FAT3: variants seen among roughly 807,000 people sequenced by gnomAD.
FAT3 encodes the protein protocadherin Fat 3.
FAT3 carries 95 observed loss-of-function variants against 310.2 expected under a neutral mutation model. That is an observed-to-expected ratio of 0.31 (90% CI 0.26 to 0.36). The LOEUF is 0.36. Ranked by LOEUF, FAT3 falls within the 10% of genes least tolerant of loss-of-function variation. The probability of loss-of-function intolerance (pLI) is 1.00; values close to 1 mark genes in which losing one functional copy is unlikely to be tolerated. For missense variants in FAT3, 5,408 were observed against 5,715.6 expected (o/e 0.95, Z 1.74); for synonymous variants, 2,314 against 2,192.9 (o/e 1.06, Z -1.54).
chr11:92,263,618 AGT>A lies in FAT3; in HGVS notation c.-18+38463_-18+38464del, dbSNP rs555917659. Reference sequence around the variant, plus strand: ...GTGATAAATGTGGTATTTGAATATAAGTGTGTGTGTGTGTGTGTGTATATATA... The same window carrying A: ...GTGATAAATGTGGTATTTGAATATAAGTGTGTGTGTGTGTGTGTATATATA... On this transcript the variant is annotated intron_variant, in intron 1 of 27. Coordinates refer to ENST00000525166, the MANE Select transcript of FAT3 (RefSeq NM_001367949.2). Among the ~76,000 whole-genome samples the A allele has an allele frequency of 6.2e-3, 910 of 147,476 alleles. 7 individuals carry two copies. Among genetic ancestry groups the A allele is most frequent in the Non-Finnish European group, 6.1e-3 (406 of 66,856 alleles).
chr11:92,776,785 A>G (rs1417803138), intron 7 of FAT3, among the ~76,000 whole-genome samples: 1 of 152,158 alleles, frequency 6.6e-6, no homozygotes, highest in East Asian at 1.9e-4. Flanking sequence ...CTCCAGAGTC[A>G]TGACCTTTTT....
chr11:92,302,705 G>A (rs1947030665), intron 1 of FAT3, among the ~76,000 whole-genome samples: 1 of 151,872 alleles, frequency 6.6e-6, no homozygotes, highest in African/African-American at 2.4e-5. Context: ...TGAATGAGAA[G>A]TACTCTCAAT....
chr11:92,659,832 G>A (rs192427481), intron 3 of FAT3, among the ~76,000 whole-genome samples: 1 of 152,274 alleles, frequency 6.6e-6, no homozygotes, highest in Non-Finnish European at 1.5e-5. Context: ...AGCATCTCAG[G>A]AAACTCAGAC....
chr11:92,370,211 C>T lies in FAT3; in HGVS notation c.3292+14807C>T, dbSNP rs192832444. 6.8e-4 allele frequency among the ~76,000 whole-genome samples: 104 copies of T among 152,226 alleles called. 1 individual carries two copies. The South Asian group carries it at 0.013, about 19-fold the overall frequency. On this transcript the variant is annotated intron_variant, in intron 2 of 27. Transcript: ENST00000525166. ...TAACTTATAATCTCTATATTAGTAG[C>T]GTATCTTAGAATCCATAATTTCCAT...
intron 2 of FAT3, among the ~76,000 whole-genome samples, chr11:92,468,618 G>T (rs879333328): frequency 4.6e-5 from 7 of 152,118 alleles, no homozygotes; most frequent in Non-Finnish European, 7.3e-5. Flanking sequence ...AAAGGAGAGA[G>T]GTTTAACTGA....
chr11:92,404,042 A>G (rs1194899864), intron 2 of FAT3, among the ~76,000 whole-genome samples: 1 of 152,072 alleles, frequency 6.6e-6, no homozygotes, highest in East Asian at 1.9e-4. Context: ...CAAGAAAAAA[A>G]AGGGAGAGAA....
At chr11:92,512,728 T>C (rs969571902) in intron 2 of FAT3, among the ~76,000 whole-genome samples, 5 of 151,482 alleles carry the variant, frequency 3.3e-5, no homozygotes, top group African/African-American at 1.2e-4. Flanking sequence ...CATTTTGGTT[T>C]GATCTTTTGG....
In FAT3 at chr11:92,890,833, A is replaced by G; in HGVS notation, c.13490A>G (p.His4497Arg). Reference sequence around the variant, plus strand: ...CATCCTAGCCAGTATCTCCCTCCTCACCCATTCCCCAACGAAACGGATTTG... The same window carrying G: ...CATCCTAGCCAGTATCTCCCTCCTCGCCCATTCCCCAACGAAACGGATTTG... ...QFHPSQYLPP[H>R]PFPNETDLVG... The change falls in exon 28 of 28, where the codon CAC becomes CGC. Residue 4497 changes from histidine (H) to arginine (R), a missense_variant. Physicochemically the swap from His to Arg is conservative, Grantham distance 29 (BLOSUM62 0). Around this residue, in one of 5 missense-constraint regions of FAT3, gnomAD observed 649 missense variants for 666.2 expected, o/e 0.97. Transcript: ENST00000525166. 1 of 1,610,976 alleles carries G rather than the reference A, an allele frequency of 6.2e-7. No homozygotes were observed. Among genetic ancestry groups the G allele is most frequent in the Non-Finnish European group, 8.5e-7 (1 of 1,179,118 alleles).
chr11:92,226,978 G>A (rs1437071567), intron 1 of FAT3, among the ~76,000 whole-genome samples: 1 of 152,178 alleles, frequency 6.6e-6, no homozygotes, highest in African/African-American at 2.4e-5. Context: ...ACAAGTGTCA[G>A]ACAAACCCGC....
At chr11:92,698,827 C>T (rs1337586581) in intron 4 of FAT3, among the ~76,000 whole-genome samples, 2 of 152,100 alleles carry the variant, frequency 1.3e-5, no homozygotes, top group African/African-American at 2.4e-5. Context: ...AGAAGACAGT[C>T]CAGGACACCT....
At chr11:92,471,647 A>G (rs1951906050) in intron 2 of FAT3, among the ~76,000 whole-genome samples, 1 of 152,142 alleles carries the variant, frequency 6.6e-6, no homozygotes. Flanking sequence ...TATGCAAAGG[A>G]CAGTTGAAAA....
intron 2 of FAT3, among the ~76,000 whole-genome samples, chr11:92,376,212 C>G (rs1483162535): frequency 6.6e-6 from 1 of 152,182 alleles, no homozygotes. Context: ...AAAGTCTCCC[C>G]TGGAATTGAC....
At chr11:92,541,888 A>G (rs1184128210) in intron 3 of FAT3, among the ~76,000 whole-genome samples, 2 of 152,084 alleles carry the variant, frequency 1.3e-5, no homozygotes, top group Non-Finnish European at 2.9e-5. Context: ...TGCAGTCATG[A>G]TTATTATATG....
At chr11:92,636,529 G>A (rs1344812626) in intron 3 of FAT3, among the ~76,000 whole-genome samples, 2 of 152,124 alleles carry the variant, frequency 1.3e-5, no homozygotes, top group Non-Finnish European at 2.9e-5. Flanking sequence ...CTTAATTGTT[G>A]GGCAGTGAGT....
chr11:92,303,558 CCAAGTGT>C (rs1947050712), intron 1 of FAT3, among the ~76,000 whole-genome samples: 1 of 152,100 alleles, frequency 6.6e-6, no homozygotes, highest in Non-Finnish European at 1.5e-5. Context: ...GCACTTTCAA[CCAAGTGT>C]CAGGCATTGC....
At chr11:92,633,452 T>C (rs1290961256) in intron 3 of FAT3, among the ~76,000 whole-genome samples, 2 of 152,188 alleles carry the variant, frequency 1.3e-5, no homozygotes, top group African/African-American at 2.4e-5. Flanking sequence ...AGGACGATGA[T>C]GTGAACTTTA....
intron 7 of FAT3, among the ~76,000 whole-genome samples, chr11:92,779,850 G>A (rs1946696609): frequency 6.6e-6 from 1 of 152,170 alleles, no homozygotes; most frequent in African/African-American, 2.4e-5. Flanking sequence ...GATTCAAAAT[G>A]TGAGAAGGAC....
chr11:92,249,123 A>C (rs758881772), intron 1 of FAT3, among the ~76,000 whole-genome samples: 6 of 152,102 alleles, frequency 3.9e-5, no homozygotes, highest in Non-Finnish European at 8.8e-5. Context: ...TAAAACACTT[A>C]TTTGTTATTT....
intron 8 of FAT3, among the ~76,000 whole-genome samples, chr11:92,792,381 T>C (rs1947060357): frequency 6.6e-6 from 1 of 152,200 alleles, no homozygotes; most frequent in South Asian, 2.1e-4. Context: ...TTCCAGTCTT[T>C]AATTGCTCCT....
Sources: allele counts gnomAD v4.1 joint callset (sites outside exome capture counted in the v4.1 genomes callset), GRCh38; gene constraint gnomAD v4.1.1; regional missense constraint gnomAD v4.1.1; transcripts MANE v1.5; gene names NCBI Gene and HGNC (gene_info 2026-07-23, HGNC 2026-07-21).